Variants in CHMP5 observed in about 807,000 individuals in gnomAD.
The protein encoded by CHMP5 is SNF7 domain containing 2.
Under a neutral mutation model 33.0 loss-of-function variants are expected in CHMP5, and 17 were observed. The observed-to-expected ratio is 0.52, with a 90% CI of 0.35 to 0.77. The LOEUF (loss-of-function observed/expected upper bound fraction) is 0.77, where lower values mean the gene tolerates loss of function less well. Ranked by LOEUF, CHMP5 falls within the 30% of genes least tolerant of loss-of-function variation. CHMP5 has a pLI of 0.01. For missense variants in CHMP5, 216 were observed against 261.5 expected, an observed-to-expected ratio of 0.83 and a Z score of 1.20; for synonymous variants, 76 against 90.2, an observed-to-expected ratio of 0.84 and a Z score of 0.89.
Position 33,281,103 on chromosome 9 carries a change from C to G in CHMP5, c.*244C>G, listed in dbSNP as rs191658225. On this transcript the variant is annotated 3_prime_UTR_variant, in exon 8 of 8. Coordinates refer to ENST00000223500, the MANE Select transcript of CHMP5 (RefSeq NM_016410.6). ...GAACTCAGTTTAAAAGTATTTTTAG[C>G]TCGTATGACTTGTTTTCATTCATTA... 63 of 412,034 alleles carry G rather than the reference C, an allele frequency of 1.5e-4. No homozygotes were observed. Among genetic ancestry groups the G allele is most frequent in the African/African-American group, 1.3e-3 (61 of 48,538 alleles). 25.5% of individuals were successfully genotyped at this position (412,034 alleles called of 1,614,324 possible). A position where few individuals can be genotyped will look rare whatever the true frequency, so the allele number is the denominator to read the frequency against.
At chr9:33,266,139 C>G in intron 2 of CHMP5, 25 bp downstream of exon 2, 2 of 1,518,562 alleles carry the variant, frequency 1.3e-6, no homozygotes, top group Non-Finnish European at 1.8e-6. Context: ...AACTGCTGCA[C>G]AAGGTGCTGG....
chr9:33,273,058 C>A (rs1820814099), intron 5 of CHMP5, among the ~76,000 whole-genome samples: 1 of 151,108 alleles, frequency 6.6e-6, no homozygotes, highest in African/African-American at 2.4e-5. Context: ...CAACCTCCGC[C>A]TCCTGGGTTC....
intron 1 of CHMP5, among the ~76,000 whole-genome samples, chr9:33,265,809 G>T (rs190478757): frequency 1.4e-4 from 21 of 152,270 alleles, no homozygotes; most frequent in African/African-American, 5.1e-4. Context: ...TATCAGAATC[G>T]GGGCAGTGTG....
intron 7 of CHMP5, among the ~76,000 whole-genome samples, chr9:33,279,843 G>A (rs184253937): frequency 6.3e-4 from 78 of 122,984 alleles, no homozygotes; most frequent in African/African-American, 2.3e-3. Context: ...TCCAGCCTGG[G>A]CAAAAAGAGC....
intron 5 of CHMP5, among the ~76,000 whole-genome samples, chr9:33,275,207 C>G (rs895598743): frequency 6.6e-6 from 1 of 152,160 alleles, no homozygotes. Context: ...TGCGAAACCA[C>G]CCATATGGAG....
chr9:33,269,837 G>A (rs1245369498), intron 3 of CHMP5, among the ~76,000 whole-genome samples: 1 of 151,796 alleles, frequency 6.6e-6, no homozygotes, highest in Non-Finnish European at 1.5e-5. Flanking sequence ...ACCAAGCGTG[G>A]TGGCGCATGC....
chr9:33,274,431 T>C (rs1437546068), intron 5 of CHMP5, among the ~76,000 whole-genome samples: 1 of 152,162 alleles, frequency 6.6e-6, no homozygotes, highest in Admixed American at 6.5e-5. Context: ...GGTGCTGATT[T>C]GGTCCTTTTG....
rs1007915657 is a variant in CHMP5 at position 33,281,845 on chromosome 9, A to G, written c.*986A>G. On this transcript the variant is annotated 3_prime_UTR_variant, in exon 8 of 8. Transcript: ENST00000223500. ...ATTCTTATATGAGGGATTGTTAACA[A>G]TAAAAAAGAAACTGCTTCATTCTTT... The G allele has an allele frequency of 9.2e-5, 14 of 152,252 alleles. No homozygotes were observed. The highest frequency in any genetic ancestry group is 3.4e-4 in the African/African-American group (14 of 41,464). The allele number at this position is 152,252 out of a possible 1,614,324, so 9.4% of individuals were successfully genotyped here.
At chr9:33,273,772 A>T (rs1404105955) in intron 5 of CHMP5, among the ~76,000 whole-genome samples, 1 of 150,974 alleles carries the variant, frequency 6.6e-6, no homozygotes, top group Non-Finnish European at 1.5e-5. Context: ...GAACCAGTTA[A>T]TGGTTTGTGG....
Position 33,266,183 on chromosome 9 carries a change from C to T in CHMP5, c.174+69C>T, listed in dbSNP as rs574498340. The stretch of plus-strand genomic sequence containing the variant: ...AGTTTTAGCACCTATAGAAATAGGG[C>T]CTAGTTCGGCTGGGCGCAGTGGCTC... On this transcript the variant is annotated intron_variant, in intron 2 of 7. Coordinates refer to ENST00000223500, the MANE Select transcript of CHMP5 (RefSeq NM_016410.6). 2.0e-5 allele frequency: 21 copies of T among 1,044,192 alleles called. No homozygotes were observed. In the South Asian group the frequency reaches 2.4e-4, roughly 12 times the overall value. The allele number at this position is 1,044,192 out of a possible 1,614,324, so 64.7% of individuals were successfully genotyped here. A position where few individuals can be genotyped will look rare whatever the true frequency, so the allele number is the denominator to read the frequency against.
chr9:33,277,253 C>T (rs1820867365), intron 6 of CHMP5, among the ~76,000 whole-genome samples: 1 of 150,778 alleles, frequency 6.6e-6, no homozygotes. Context: ...CTACTCTATG[C>T]CAGGTACTCT....
In CHMP5 at chr9:33,267,377, T is replaced by C. The variant is rs561610637; in HGVS notation, c.175-476T>C. ...CTGAAATCAGCTAACAGGATGACTG[T>C]GCATGAAGAAACAACAGAAAGAGGA... On this transcript the variant is annotated intron_variant, in intron 2 of 7. Transcript: ENST00000223500. 7.9e-5 allele frequency among the ~76,000 whole-genome samples: 12 copies of C among 152,282 alleles called. No homozygotes were observed. The South Asian group carries it at 1.7e-3, about 21-fold the overall frequency.
intron 7 of CHMP5, among the ~76,000 whole-genome samples, chr9:33,279,866 CA>C (rs77706408): frequency 0.015 from 824 of 54,940 alleles, 4 homozygotes; most frequent in Middle Eastern, 0.028. Context: ...AACTCAATCT[CA>C]AAAAAAAAAA....
intron 5 of CHMP5, among the ~76,000 whole-genome samples, chr9:33,271,553 A>G (rs975564813): frequency 6.6e-6 from 1 of 152,214 alleles, no homozygotes; most frequent in Non-Finnish European, 1.5e-5. Flanking sequence ...TCCATACAAT[A>G]TTTAATAAAT....
At chr9:33,269,902 A>G (rs1820772947) in intron 3 of CHMP5, among the ~76,000 whole-genome samples, 1 of 152,126 alleles carries the variant, frequency 6.6e-6, no homozygotes, top group African/African-American at 2.4e-5. Flanking sequence ...GAACCCAGGA[A>G]GGTGGAGGCT....
At chr9:33,266,896 T>G (rs1238891858) in intron 2 of CHMP5, among the ~76,000 whole-genome samples, 1 of 152,212 alleles carries the variant, frequency 6.6e-6, no homozygotes, top group East Asian at 1.9e-4. Context: ...TCCTGTTAGG[T>G]AGAAACATAA....
chr9:33,265,739 A>C (rs111482314), intron 1 of CHMP5, among the ~76,000 whole-genome samples: 1 of 152,140 alleles, frequency 6.6e-6, no homozygotes, highest in African/African-American at 2.4e-5. Flanking sequence ...GGAAATTCCA[A>C]CTCAACTCAG....
chr9:33,270,236 C>T (rs1366072162), intron 3 of CHMP5, among the ~76,000 whole-genome samples: 4 of 152,240 alleles, frequency 2.6e-5, no homozygotes, highest in South Asian at 2.1e-4. Context: ...ACATGCTGTA[C>T]AGGTTTGTAG....
chr9:33,280,948 T>G lies in CHMP5; in HGVS notation c.*89T>G. 9.0e-7 allele frequency: 1 copy of G among 1,115,072 alleles called. No homozygotes were observed. Among genetic ancestry groups the G allele is most frequent in the Non-Finnish European group, 1.3e-6 (1 of 775,870 alleles). 69.1% of individuals were successfully genotyped at this position (1,115,072 alleles called of 1,614,324 possible). A position where few individuals can be genotyped will look rare whatever the true frequency, so the allele number is the denominator to read the frequency against. On this transcript the variant is annotated 3_prime_UTR_variant, in exon 8 of 8. Transcript: ENST00000223500. ...CTTTCCAAATTTGCCATAACAGATT[T>G]AGGTTTCTTTCCTTTCTTTGAAGGA...
Sources: allele counts gnomAD v4.1 joint callset (sites outside exome capture counted in the v4.1 genomes callset), GRCh38; gene constraint gnomAD v4.1.1; transcripts MANE v1.5; gene names NCBI Gene and HGNC (gene_info 2026-07-23, HGNC 2026-07-21).